Variants in SPEG observed in about 807,000 individuals in gnomAD.
SPEG encodes the protein striated muscle preferentially expressed protein kinase.
Under a neutral mutation model 300.4 loss-of-function variants are expected in SPEG, and 114 were observed. The observed-to-expected ratio is 0.38, with a 90% CI of 0.33 to 0.44. The LOEUF is 0.44. Ranked by LOEUF, SPEG falls within the 20% of genes least tolerant of loss-of-function variation. The pLI, the probability that SPEG is intolerant of heterozygous loss-of-function variation, is 1.00. For synonymous variants in SPEG, 1,964 were observed against 2,018.9 expected (o/e 0.97, Z 0.73); for missense variants, 4,201 against 4,586.2 (o/e 0.92, Z 2.43).
rs368710118 is a variant in SPEG, at chr2:219,484,202, C to T, written c.6739C>T (p.Gln2247Ter). ...TLALPLTPYA[Q>*]IIQSLQLSGH... ...AGCGCTGCCCCTCACACCCTATGCT[C>T]AGATCATTCAGTCCCTCCAGCTGTC... The change falls in exon 30 of 41, where the codon CAG (glutamine) becomes TAG (stop). Residue 2247 changes from glutamine to a stop codon, truncating the protein, a stop_gained. Coordinates refer to ENST00000312358, the MANE Select transcript of SPEG (RefSeq NM_005876.5). LOFTEE classifies it high-confidence loss of function. The T allele has an allele frequency of 6.0e-5, 97 of 1,612,552 alleles. No homozygotes were observed. In the African/African-American group the frequency reaches 1.1e-3, roughly 19 times the overall value.
rs202153500 is a variant in SPEG, at chr2:219,477,294, C to G, written c.4578C>G (p.Thr1526=). ...IMWYKDEVLL[T]ESSHVSFVYE... Reference sequence around the variant, plus strand: ...CTCTGCAGGACGAGGTGCTGCTGACCGAGAGCAGCCATGTGAGCTTCGTGT... The same window carrying G: ...CTCTGCAGGACGAGGTGCTGCTGACGGAGAGCAGCCATGTGAGCTTCGTGT... Residue 1526 remains threonine, a synonymous_variant, in exon 20 of 41, where the codon ACC becomes ACG. Coordinates refer to ENST00000312358, the MANE Select transcript of SPEG (RefSeq NM_005876.5). The surrounding 1 kb of genome is among the most constrained non-coding windows in gnomAD (Gnocchi z 6.4). The G allele has an allele frequency of 6.2e-7, 1 of 1,612,012 alleles. No individual in the cohort carries two copies. Among genetic ancestry groups the G allele is most frequent in the African/African-American group, 1.3e-5 (1 of 74,934 alleles).
intron 10 of SPEG, among the ~76,000 whole-genome samples, chr2:219,467,676 A>T (rs1445113124): frequency 6.6e-6 from 1 of 152,220 alleles, no homozygotes; most frequent in Non-Finnish European, 1.5e-5. Flanking sequence ...GCTGAGGTGA[A>T]CGTGGGTTCC....
Position 219,469,301 on chromosome 2 carries a change from G to C in SPEG, c.3637G>C (p.Gly1213Arg). 1 of 1,613,906 alleles carries C rather than the reference G, an allele frequency of 6.2e-7. No homozygotes were observed. Reference sequence around the variant, plus strand: ...GGCCATGCTAGAGTGCCAGGTGACCGGCCTGCCCTACCCCACCATCAGCTG... The same window carrying C: ...GGCCATGCTAGAGTGCCAGGTGACCCGCCTGCCCTACCCCACCATCAGCTG... ...KEAMLECQVT[G>R]LPYPTISWFH... Residue 1213 changes from glycine to arginine, a missense_variant, in exon 13 of 41, where the codon GGC (glycine) becomes CGC (arginine). Gly to Arg is a moderately radical substitution (Grantham distance 125). This residue lies in a region of SPEG where 1,047 missense variants were observed against 1,356.8 expected (regional missense o/e 0.77). Transcript: ENST00000312358.
In SPEG at chr2:219,477,809, G is replaced by T; in HGVS notation, c.4826+24G>T. On this transcript the variant is annotated intron_variant, in intron 21 of 40. Transcript: ENST00000312358. This position sits in a 1 kb window ranked among gnomAD's most constrained non-coding sequence, Gnocchi z 6.4. ...AGGTGTGGGGCTAGGAGGGAAGCCA[G>T]TGGGGGCCGAGAGAGGCTGCTGGGT... 6.3e-7 allele frequency: 1 copy of T among 1,597,262 alleles called. No homozygotes were observed. The highest frequency in any genetic ancestry group is 1.3e-5 in the African/African-American group (1 of 74,858).
At position 219,448,725 on chromosome 2, in the gene SPEG, C is replaced by T. The variant is rs1689509296; in HGVS notation, c.1567C>T (p.Arg523Cys). ...SHESLRATLQ[R>C]APSPREPGEP... The stretch of plus-strand genomic sequence containing the variant: ...CGAGTCCCTGCGCGCCACGCTGCAG[C>T]GTGCCCCATCCCCTCGAGAGCCCGG... Residue 523 changes from arginine (R) to cysteine (C), a missense_variant, in exon 4 of 41, where the codon CGT (arginine) becomes TGT (cysteine). Physicochemically the swap from Arg to Cys is radical, Grantham distance 180. This residue lies in a region of SPEG where 1,258 missense variants were observed against 1,293.9 expected (regional missense o/e 0.97). Transcript: ENST00000312358. 2 of 1,491,024 alleles carry T rather than the reference C, an allele frequency of 1.3e-6. No individual in the cohort carries two copies. Among genetic ancestry groups the T allele is most frequent in the African/African-American group, 1.5e-5 (1 of 68,514 alleles). 92.4% of individuals were successfully genotyped at this position (1,491,024 alleles called of 1,614,324 possible).
At chr2:219,471,781 T>G (rs1415440695) in intron 13 of SPEG, 87 bp from the exon 14 acceptor site, 4 of 1,540,630 alleles carry the variant, frequency 2.6e-6, no homozygotes. Flanking sequence ...TGGATGGGGG[T>G]GAGGGACCAG....
Position 219,479,072 on chromosome 2 carries a change from G to A in SPEG, c.5028-72G>A, listed in dbSNP as rs541420300. On this transcript the variant is annotated intron_variant, in intron 22 of 40. Transcript: ENST00000312358. This position sits in a 1 kb window ranked among gnomAD's most constrained non-coding sequence, Gnocchi z 5.5. ...GGAAGGAGAACCCCGTGCTGAGCTG[G>A]GACCTGCCCTGAGCGCTGGGCTGGG... 135 of 1,388,790 alleles carry A rather than the reference G, an allele frequency of 9.7e-5. 2 individuals carry two copies. In the South Asian group the frequency reaches 1.5e-3, roughly 16 times the overall value. The allele number at this position is 1,388,790 out of a possible 1,614,324, so 86.0% of individuals were successfully genotyped here.
At chr2:219,438,844 G>A (rs138873680) in intron 1 of SPEG, among the ~76,000 whole-genome samples, 59 of 152,374 alleles carry the variant, frequency 3.9e-4, no homozygotes, top group South Asian at 6.2e-4. Flanking sequence ...AGAGCTTAGA[G>A]ATAGGGAGAG....
rs1394109836 is a variant in SPEG at position 219,473,174 on chromosome 2, G to A, written c.4147+78G>A. ...TGGGGGCCCTGTGGTGGAGGCTCAA[G>A]GGATGGCCTGGACATGGTAACTGGC... On this transcript the variant is annotated intron_variant, in intron 16 of 40. Coordinates refer to ENST00000312358, the MANE Select transcript of SPEG (RefSeq NM_005876.5). This position sits in a 1 kb window ranked among gnomAD's most constrained non-coding sequence, Gnocchi z 4.6. The A allele has an allele frequency of 7.2e-7, 1 of 1,380,864 alleles. No homozygotes were observed. The highest frequency in any genetic ancestry group is 2.5e-5 in the East Asian group (1 of 40,762). The allele number at this position is 1,380,864 out of a possible 1,614,324, so 85.5% of individuals were successfully genotyped here.
At position 219,477,014 on chromosome 2, in the gene SPEG, A is replaced by C. The variant is rs376725589; in HGVS notation, c.4560+32A>C. Reference sequence around the variant, plus strand: ...GTGTGCTGCTGGCTGAGCCTGGGGGAGGGAGGAGGGGCTCCCTGGGGGCGT... The same window carrying C: ...GTGTGCTGCTGGCTGAGCCTGGGGGCGGGAGGAGGGGCTCCCTGGGGGCGT... On this transcript the variant is annotated intron_variant, in intron 19 of 40. Transcript: ENST00000312358. This position sits in a 1 kb window ranked among gnomAD's most constrained non-coding sequence, Gnocchi z 6.4. 369 of 1,279,898 alleles carry C rather than the reference A, an allele frequency of 2.9e-4. No homozygotes were observed. In the African/African-American group the frequency reaches 4.9e-3, roughly 17 times the overall value. 79.3% of individuals were successfully genotyped at this position (1,279,898 alleles called of 1,614,324 possible). A position where few individuals can be genotyped will look rare whatever the true frequency, so the allele number is the denominator to read the frequency against.
chr2:219,468,487 C>T lies in SPEG; in HGVS notation c.3143-91C>T. On this transcript the variant is annotated intron_variant, in intron 10 of 40. Coordinates refer to ENST00000312358, the MANE Select transcript of SPEG (RefSeq NM_005876.5). Reference sequence around the variant, plus strand: ...TTGCTGGGCTCTGCCCAGGCTCCAGCTTCCTGCTCAGCCTTAGGTCAGGAG... The same window carrying T: ...TTGCTGGGCTCTGCCCAGGCTCCAGTTTCCTGCTCAGCCTTAGGTCAGGAG... The T allele has an allele frequency of 2.8e-6, 4 of 1,438,986 alleles. No homozygotes were observed. The South Asian group carries it at 3.9e-5, about 14-fold the overall frequency. The allele number at this position is 1,438,986 out of a possible 1,614,324, so 89.1% of individuals were successfully genotyped here. A position where few individuals can be genotyped will look rare whatever the true frequency, so the allele number is the denominator to read the frequency against.
In SPEG at chr2:219,451,875, G is replaced by C. The variant is rs1461579850; in HGVS notation, c.2440+68G>C. Reference sequence around the variant, plus strand: ...TGACTCTCCCCTGGCCCAGGCCCCAGTCCACCTCCCTTCCCACTCTCAGCC... The same window carrying C: ...TGACTCTCCCCTGGCCCAGGCCCCACTCCACCTCCCTTCCCACTCTCAGCC... On this transcript the variant is annotated intron_variant, in intron 6 of 40. Transcript: ENST00000312358. The surrounding 1 kb of genome is among the most constrained non-coding windows in gnomAD (Gnocchi z 6.4). 1.4e-6 allele frequency: 2 copies of C among 1,418,754 alleles called. No homozygotes were observed. Among genetic ancestry groups the C allele is most frequent in the African/African-American group, 2.9e-5 (2 of 69,222 alleles). 87.9% of individuals were successfully genotyped at this position (1,418,754 alleles called of 1,614,324 possible).
chr2:219,460,312 G>A lies in SPEG; in HGVS notation c.2441-1570G>A, dbSNP rs1690553025. The A allele has an allele frequency of 1.7e-5, 17 of 985,450 alleles. 1 individual carries two copies. In the South Asian group the frequency reaches 6.6e-4, roughly 38 times the overall value. The allele number at this position is 985,450 out of a possible 1,614,324, so 61.0% of individuals were successfully genotyped here. A position where few individuals can be genotyped will look rare whatever the true frequency, so the allele number is the denominator to read the frequency against. ...CAGTTCTCCGATTTTCGGGGCCAAA[G>A]AAAACAGGTATGCCCTGGCTCTGTA... On this transcript the variant is annotated intron_variant, in intron 6 of 40. Transcript: ENST00000312358.
At position 219,459,233 on chromosome 2, in the gene SPEG, TA is replaced by T. The variant is rs1439129395; in HGVS notation, c.2441-2648del. 1.3e-5 allele frequency among the ~76,000 whole-genome samples: 2 copies of T among 152,200 alleles called. No homozygotes were observed. Among genetic ancestry groups the T allele is most frequent in the Admixed American group, 1.3e-4 (2 of 15,282 alleles). On this transcript the variant is annotated intron_variant, in intron 6 of 40. Coordinates refer to ENST00000312358, the MANE Select transcript of SPEG (RefSeq NM_005876.5). The surrounding 1 kb of genome is among the most constrained non-coding windows in gnomAD (Gnocchi z 4.9). ...ATTGAGTGTATGTGCCTATTAGGTT[TA>T]GGGGGGCACCTGCCCCCTCCTTCCT...
In SPEG at chr2:219,448,145, G is replaced by C; in HGVS notation, c.987G>C (p.Ala329=). ...RSPPGPPAQP[A]ATPTSPHRRT... is the part of the protein sequence containing the mutation. ...CGCCGGGACCCCCGGCCCAGCCCGC[G>C]GCCACCCCCACGTCGCCCCACCGTC... is the stretch of plus-strand genomic sequence containing the variant. Residue 329 remains alanine (A), a synonymous_variant, in exon 4 of 41, where the codon GCG becomes GCC. Transcript: ENST00000312358. The C allele has an allele frequency of 6.2e-7, 1 of 1,608,028 alleles. No homozygotes were observed. The highest frequency in any genetic ancestry group is 8.5e-7 in the Non-Finnish European group (1 of 1,177,394).
intron 9 of SPEG, chr2:219,466,087 C>T (rs1691319831): frequency 1.3e-6 from 2 of 1,598,672 alleles, no homozygotes; most frequent in Non-Finnish European, 1.7e-6. Flanking sequence ...ACCTGTGCTC[C>T]CCCCGCTACC....
Position 219,471,793 on chromosome 2 carries a change from C to T in SPEG, c.3716-75C>T, listed in dbSNP as rs1691896999. On this transcript the variant is annotated intron_variant, in intron 13 of 40. Transcript: ENST00000312358. ...CAGTGGATGGGGGTGAGGGACCAGG[C>T]CCGGGATGGCATGGGCCTACCCCTC... is the stretch of plus-strand genomic sequence containing the variant. 5.7e-6 allele frequency: 9 copies of T among 1,580,098 alleles called. No individual in the cohort carries two copies. In the Admixed American group the frequency reaches 1.0e-4, roughly 18 times the overall value.
Position 219,477,380 on chromosome 2 carries a change from A to C in SPEG, c.4664A>C (p.Tyr1555Ser). The C allele has an allele frequency of 6.2e-7, 1 of 1,611,536 alleles. No individual in the cohort carries two copies. The highest frequency in any genetic ancestry group is 8.5e-7 in the Non-Finnish European group (1 of 1,178,964). ...LSTGAQDGGV[Y>S]TCTAQNLAGE... ...ACGGGGGCCCAGGATGGAGGCGTCTACACCTGCACCGCCCAGAACCTGGCG... is the reference window on the plus strand; with the variant it reads ...ACGGGGGCCCAGGATGGAGGCGTCTCCACCTGCACCGCCCAGAACCTGGCG... Residue 1555 changes from tyrosine to serine, a missense_variant, in exon 20 of 41, where the codon TAC (tyrosine) becomes TCC (serine). By Grantham distance (144) the Tyr-to-Ser change is moderately radical (BLOSUM62 -2). Around this residue, in one of 4 missense-constraint regions of SPEG, gnomAD observed 1,047 missense variants for 1,356.8 expected, o/e 0.77. Transcript: ENST00000312358. This position sits in a 1 kb window ranked among gnomAD's most constrained non-coding sequence, Gnocchi z 6.4.
In SPEG at chr2:219,472,330, C is replaced by T. The variant is rs769032357; in HGVS notation, c.3939C>T (p.Ile1313=). ...CCCCCAGGAGTCTGGACATGGCCAT[C>T]GGTGGGTCAGGGCTGCACAGGGCCA... is the stretch of plus-strand genomic sequence containing the variant. The part of the protein sequence containing the change: ...WNPPRSLDMA[I]DPDSLTYTVQ... The change falls in exon 15 of 41, where the codon ATC becomes ATT. Residue 1313 remains isoleucine (I), a splice_region_variant and synonymous_variant. Transcript: ENST00000312358. 1.6e-5 allele frequency: 25 copies of T among 1,612,898 alleles called. No individual in the cohort carries two copies. Among genetic ancestry groups the T allele is most frequent in the South Asian group, 2.2e-5 (2 of 91,078 alleles).
Sources: gnomAD v4.1 joint callset for allele counts (sites outside exome capture counted in the v4.1 genomes callset) on GRCh38, gnomAD v4.1.1 for gene constraint, gnomAD v4.1.1 regional missense constraint, Gnocchi (gnomAD v3.1) non-coding constraint, MANE v1.5 for transcripts, NCBI Gene and HGNC (gene_info 2026-07-23, HGNC 2026-07-21) for gene names.